The following ATP5PB variants were observed in gnomAD, a reference collection of about 807,000 sequenced individuals.
ATP5PB encodes the protein ATP synthase peripheral stalk-membrane subunit b, also known as ATP synthase peripheral stalk subunit b, mitochondrial.
A neutral mutation model predicts 34.5 loss-of-function variants in ATP5PB; 21 were observed. The observed-to-expected ratio is 0.61, with a 90% CI of 0.43 to 0.88. ATP5PB has a LOEUF of 0.88. Among genes scored for constraint, ATP5PB ranks in the 40% least tolerant of loss-of-function variants. The probability of loss-of-function intolerance (pLI) is 0.00; values close to 1 mark genes in which losing one functional copy is unlikely to be tolerated. For missense variants in ATP5PB, 293 were observed against 317.4 expected (o/e 0.92, Z 0.58); for synonymous variants, 108 against 114.1 (o/e 0.95, Z 0.34).
chr1:111,455,146 C>T lies in ATP5PB; in HGVS notation c.223+790C>T, dbSNP rs985321881. On this transcript the variant is annotated intron_variant, in intron 3 of 6. Coordinates refer to ENST00000369722, the MANE Select transcript of ATP5PB (RefSeq NM_001688.5). ...TTGCTATGACTGGAACATTGGAAAC[C>T]GAAGATTGTTTTTTTTTTAGCCCTG... Among the ~76,000 whole-genome samples the T allele has an allele frequency of 2.6e-5, 4 of 151,476 alleles. No homozygotes were observed. The East Asian group carries it at 5.8e-4, about 22-fold the overall frequency.
In ATP5PB at chr1:111,459,489, C is replaced by T; in HGVS notation, c.546C>T (p.Tyr182=). The change falls in exon 6 of 7, where the codon TAC becomes TAT. Residue 182 remains tyrosine (Y), a synonymous_variant. Coordinates refer to ENST00000369722, the MANE Select transcript of ATP5PB (RefSeq NM_001688.5). ...TTGCTATGGCTTTGGAAGTTACTTA[C>T]CGGGAACGACTGTATAGAGTATATA... is the stretch of plus-strand genomic sequence containing the variant. ...NNIAMALEVT[Y]RERLYRVYKE... is the part of the protein sequence containing the mutation. 6.2e-7 allele frequency: 1 copy of T among 1,610,026 alleles called. No homozygotes were observed. Among genetic ancestry groups the T allele is most frequent in the Non-Finnish European group, 8.5e-7 (1 of 1,177,814 alleles).
At chr1:111,460,524 AAG>A (rs1307730487) in intron 6 of ATP5PB, among the ~76,000 whole-genome samples, 1 of 151,994 alleles carries the variant, frequency 6.6e-6, no homozygotes, top group Non-Finnish European at 1.5e-5. Flanking sequence ...AAGTCTAGAA[AAG>A]AGATTAAAAA....
chr1:111,456,500 G>A (rs765202283), intron 4 of ATP5PB, 130 bp from the exon 5 acceptor site: 38 of 1,281,138 alleles, frequency 3.0e-5, no homozygotes, highest in African/African-American at 4.6e-5. Context: ...GGATTTGTGC[G>A]TTTCTTTCTA....
chr1:111,453,538 G>T (rs1206142129), intron 2 of ATP5PB, among the ~76,000 whole-genome samples: 1 of 152,026 alleles, frequency 6.6e-6, no homozygotes, highest in Admixed American at 6.5e-5. Context: ...ATGGATTGAG[G>T]TTCCAAGAAT....
intron 2 of ATP5PB, among the ~76,000 whole-genome samples, chr1:111,452,519 T>G (rs778435081): frequency 1.5e-4 from 23 of 152,182 alleles, no homozygotes; most frequent in Non-Finnish European, 2.5e-4. Flanking sequence ...TGCAGTGAGC[T>G]GAGATCATGC....
rs1420412549 is a variant in ATP5PB, at chr1:111,459,761, G to C, written c.693+125G>C. 4.8e-6 allele frequency: 5 copies of C among 1,049,394 alleles called. No homozygotes were observed. The East Asian group carries it at 1.4e-4, about 28-fold the overall frequency. The allele number at this position is 1,049,394 out of a possible 1,614,324, so 65.0% of individuals were successfully genotyped here. A position where few individuals can be genotyped will look rare whatever the true frequency, so the allele number is the denominator to read the frequency against. On this transcript the variant is annotated intron_variant, in intron 6 of 6. Transcript: ENST00000369722. ...AGCCTAGAAGTAGCAGTGTAACCCC[G>C]GTTTGTTTTTCTGGATAGTGATAAG...
rs1018910797 is a variant in ATP5PB at position 111,449,704 on chromosome 1, C to G, written c.40+123C>G. 1.9e-6 allele frequency: 3 copies of G among 1,553,612 alleles called. No homozygotes were observed. The Admixed American group carries it at 5.1e-5, about 26-fold the overall frequency. ...TGAGAGGCGAGTGGTCAGTGCAGTT[C>G]GGAAGGGAGCGTGGGGTCTTGAGGG... is the stretch of plus-strand genomic sequence containing the variant. On this transcript the variant is annotated intron_variant, in intron 1 of 6. Transcript: ENST00000369722.
intron 1 of ATP5PB, 30 bp from the exon 2 acceptor site, chr1:111,449,807 T>G (rs1481589727): frequency 6.2e-7 from 1 of 1,614,128 alleles, no homozygotes; most frequent in South Asian, 1.1e-5. Flanking sequence ...TTCATTTGAC[T>G]TTGCTGACCT....
At chr1:111,449,922 T>C in intron 2 of ATP5PB, 49 bp downstream of exon 2, 1 of 1,611,164 alleles carries the variant, frequency 6.2e-7, no homozygotes. Context: ...CACTACCTTT[T>C]ATTTCCCGAT....
intron 5 of ATP5PB, among the ~76,000 whole-genome samples, chr1:111,458,016 A>T (rs1186439899): frequency 1.3e-5 from 2 of 152,192 alleles, no homozygotes; most frequent in African/African-American, 4.8e-5. Flanking sequence ...TACTTGATAG[A>T]TATTTATTGA....
rs182170395 is a variant in ATP5PB at position 111,459,580 on chromosome 1, G to A, written c.637G>A (p.Glu213Lys). ...GAACATGATGCGTCGAAAGGAACAA[G>A]AACACATGATAAATTGGGTGGAGAA... Reference protein sequence around the residue: ...VQNMMRRKEQEHMINWVEKHV... With the variant: ...VQNMMRRKEQKHMINWVEKHV... Residue 213 changes from glutamate (E) to lysine (K), a missense_variant, in exon 6 of 7, where the codon GAA becomes AAA. Glu to Lys is a moderately conservative substitution (Grantham distance 56). Coordinates refer to ENST00000369722, the MANE Select transcript of ATP5PB (RefSeq NM_001688.5). 73 of 1,613,952 alleles carry A rather than the reference G, an allele frequency of 4.5e-5. 1 individual carries two copies. In the Middle Eastern group the frequency reaches 1.5e-3, roughly 33 times the overall value.
chr1:111,455,120 A>G (rs922081931), intron 3 of ATP5PB, among the ~76,000 whole-genome samples: 6 of 151,980 alleles, frequency 3.9e-5, no homozygotes, highest in African/African-American at 1.5e-4. Flanking sequence ...ATACCCAAGT[A>G]TTGCTATGAC....
rs1653620327 is a variant in ATP5PB, at chr1:111,461,471, T to C, written c.*477T>C. 3 of 155,378 alleles carry C rather than the reference T, an allele frequency of 1.9e-5. No homozygotes were observed. Among genetic ancestry groups the C allele is most frequent in the African/African-American group, 7.2e-5 (3 of 41,474 alleles). 9.6% of individuals were successfully genotyped at this position (155,378 alleles called of 1,614,324 possible). On this transcript the variant is annotated 3_prime_UTR_variant, in exon 7 of 7. Transcript: ENST00000369722. ...TTTCTGGCTGATAGGTTATGAGATA[T>C]GTAAAGCTTTCTAGTACTCTTAAAA...
At chr1:111,454,567 T>A (rs1236014485) in intron 3 of ATP5PB, among the ~76,000 whole-genome samples, 3 of 151,954 alleles carry the variant, frequency 2.0e-5, no homozygotes, top group African/African-American at 7.3e-5. Context: ...TCCTCCCACC[T>A]CAGCCTCCCG....
In ATP5PB at chr1:111,462,087, C is replaced by T. The variant is rs1182960908; in HGVS notation, c.*1093C>T. 5.3e-5 allele frequency: 8 copies of T among 151,974 alleles called. No individual in the cohort carries two copies. Among genetic ancestry groups the T allele is most frequent in the Admixed American group, 5.2e-4 (8 of 15,252 alleles). The allele number at this position is 151,974 out of a possible 1,614,324, so 9.4% of individuals were successfully genotyped here. On this transcript the variant is annotated 3_prime_UTR_variant, in exon 7 of 7. Transcript: ENST00000369722. ...ATGGAAATACCATGATCCAGCAATCCCAGTCGACATATATACTCAAAAAAA... is the reference window on the plus strand; with the variant it reads ...ATGGAAATACCATGATCCAGCAATCTCAGTCGACATATATACTCAAAAAAA...
intron 3 of ATP5PB, among the ~76,000 whole-genome samples, 199 bp from the exon 4 acceptor site, chr1:111,455,887 G>C (rs143787526): frequency 7.0e-4 from 107 of 152,298 alleles, no homozygotes; most frequent in African/African-American, 2.5e-3. Flanking sequence ...TAAAATTGTA[G>C]AGTCAGTATA....
intron 5 of ATP5PB, among the ~76,000 whole-genome samples, chr1:111,458,018 A>G (rs1292520952): frequency 2.0e-5 from 3 of 152,220 alleles, no homozygotes; most frequent in African/African-American, 7.2e-5. Flanking sequence ...CTTGATAGAT[A>G]TTTATTGAGT....
chr1:111,454,153 A>T, intron 2 of ATP5PB, 58 bp from the exon 3 acceptor site: 1 of 1,445,238 alleles, frequency 6.9e-7, no homozygotes, highest in Non-Finnish European at 9.1e-7. Flanking sequence ...CTCATTATTC[A>T]TACACTGTAT....
chr1:111,451,206 C>G (rs1018853273), intron 2 of ATP5PB, among the ~76,000 whole-genome samples: 4 of 152,150 alleles, frequency 2.6e-5, no homozygotes, highest in African/African-American at 9.7e-5. Context: ...TGAATTGATT[C>G]CATCCTATCT....
Sources: gnomAD v4.1 joint callset for allele counts (sites outside exome capture counted in the v4.1 genomes callset) on GRCh38, gnomAD v4.1.1 for gene constraint, MANE v1.5 for transcripts, NCBI Gene and HGNC (gene_info 2026-07-23, HGNC 2026-07-21) for gene names.